The following TTC19 variants were observed in gnomAD, a reference collection of about 807,000 sequenced individuals.
TTC19 encodes the protein tetratricopeptide repeat domain 19, also known as tetratricopeptide repeat protein 19, mitochondrial.
A neutral mutation model predicts 49.5 loss-of-function variants in TTC19; 38 were observed. The ratio of observed to expected loss-of-function variants is 0.77; its 90% confidence interval spans 0.59 to 1.01. The LOEUF (loss-of-function observed/expected upper bound fraction) is 1.01, where lower values mean the gene tolerates loss of function less well. Among genes scored for constraint, TTC19 ranks in the 50% least tolerant of loss-of-function variants. TTC19 has a pLI of 0.00. For synonymous variants in TTC19, 204 were observed against 185.2 expected, an observed-to-expected ratio of 1.10 and a Z score of -0.83; for missense variants, 475 against 477.7, an observed-to-expected ratio of 0.99 and a Z score of 0.05.
At chr17:16,039,385 G>A (rs767001291) in intron 2 of TTC19, 2 of 1,571,124 alleles carry the variant, frequency 1.3e-6, no homozygotes, top group African/African-American at 1.4e-5. Flanking sequence ...AAATAAACTG[G>A]CTTTTTTGGG....
At chr17:16,014,569 G>C (rs1971161352) in intron 7 of TTC19, among the ~76,000 whole-genome samples, 1 of 152,162 alleles carries the variant, frequency 6.6e-6, no homozygotes, top group Non-Finnish European at 1.5e-5. Flanking sequence ...CGGAAATCAT[G>C]ATACAGGTTG....
chr17:16,009,788 T>A (rs1465850242), intron 7 of TTC19, among the ~76,000 whole-genome samples: 1 of 152,202 alleles, frequency 6.6e-6, no homozygotes, highest in Non-Finnish European at 1.5e-5. Context: ...CTAGGATAAT[T>A]ATTTTGTTAC....
rs61755986 is a variant in TTC19, at chr17:16,039,634, G to A, written c.248-4869G>A. ...TTACTGGCAGGATCAGCAAAAGAAT[G>A]GCCTCTAGAGCTAACTGAGCCTGAA... On this transcript the variant is annotated intron_variant, in intron 2 of 2. Coordinates refer to the TTC19 transcript ENST00000470649. 2,965 of 1,613,892 alleles carry A rather than the reference G, an allele frequency of 1.8e-3. 3 individuals carry two copies. The highest frequency in any genetic ancestry group is 2.4e-3 in the Non-Finnish European group (2,783 of 1,179,920).
chr17:16,004,243 A>G lies in TTC19; in HGVS notation c.562A>G (p.Ile188Val). 1 of 1,614,226 alleles carries G rather than the reference A, an allele frequency of 6.2e-7. No homozygotes were observed. The highest frequency in any genetic ancestry group is 8.5e-7 in the Non-Finnish European group (1 of 1,180,020). Reference sequence around the variant, plus strand: ...TGAAATTTCCCTAAAGCTGGCCAGTATCTATGCTGCGCAGAACAGGTAAGT... The same window carrying G: ...TGAAATTTCCCTAAAGCTGGCCAGTGTCTATGCTGCGCAGAACAGGTAAGT... ...IIEISLKLAS[I>V]YAAQNRQEFA... The change falls in exon 6 of 10, where the codon ATC becomes GTC. Residue 188 changes from isoleucine to valine, a missense_variant. Coordinates refer to ENST00000261647, the MANE Select transcript of TTC19 (RefSeq NM_017775.4).
chr17:16,039,614 G>A, intron 2 of TTC19: 1 of 1,614,060 alleles, frequency 6.2e-7, no homozygotes, highest in Non-Finnish European at 8.5e-7. Context: ...CAAGATTACT[G>A]GCAGGATCAG....
intron 2 of TTC19, among the ~76,000 whole-genome samples, chr17:16,038,948 T>C (rs2057012375): frequency 6.6e-6 from 1 of 152,140 alleles, no homozygotes; most frequent in African/African-American, 2.4e-5. Context: ...TTTTTGTATT[T>C]TTAGTAGAGA....
At chr17:16,044,778 A>G (rs536280103) in exon 3 of TTC19, 80 of 1,016,878 alleles carry the variant, frequency 7.9e-5, no homozygotes, top group Middle Eastern at 6.2e-4. Flanking sequence ...GCCCTGGCCA[A>G]TGTCAACATT....
chr17:16,043,290 G>A (rs1488580802), intron 2 of TTC19, among the ~76,000 whole-genome samples: 1 of 152,146 alleles, frequency 6.6e-6, no homozygotes, highest in Non-Finnish European at 1.5e-5. Context: ...GGCTGCTGAT[G>A]GCTTTCATTT....
At chr17:16,024,551 C>T (rs533289901) in intron 7 of TTC19, 22 of 174,264 alleles carry the variant, frequency 1.3e-4, no homozygotes, top group South Asian at 2.4e-4. Flanking sequence ...GTGATCCACC[C>T]GCCTCGGCCT....
intron 2 of TTC19, chr17:16,039,222 T>A (rs2057083778): frequency 1.8e-6 from 1 of 560,932 alleles, no homozygotes; most frequent in African/African-American, 1.9e-5. Context: ...GGTGACACTT[T>A]GGGTAAAAAT....
At chr17:16,017,895 G>A (rs1971262606) in intron 7 of TTC19, among the ~76,000 whole-genome samples, 1 of 152,090 alleles carries the variant, frequency 6.6e-6, no homozygotes, top group African/African-American at 2.4e-5. Context: ...TCTCTGATCT[G>A]TATTTGTATT....
intron 7 of TTC19, among the ~76,000 whole-genome samples, chr17:16,019,614 G>T (rs1971312574): frequency 6.6e-6 from 1 of 152,186 alleles, no homozygotes; most frequent in African/African-American, 2.4e-5. Flanking sequence ...GTTCACAAGT[G>T]TGGATACAAG....
At chr17:16,005,799 G>A (rs954459399) in intron 6 of TTC19, among the ~76,000 whole-genome samples, 12 of 152,148 alleles carry the variant, frequency 7.9e-5, no homozygotes, top group Admixed American at 2.0e-4. Flanking sequence ...ACTGTAGGGC[G>A]GCCTGAACTG....
chr17:16,036,662 CT>C (rs1376680173), intron 2 of TTC19, among the ~76,000 whole-genome samples: 20 of 152,248 alleles, frequency 1.3e-4, no homozygotes, highest in African/African-American at 4.8e-4. Flanking sequence ...TCTTCAACCT[CT>C]GAATGGCCTC....
At chr17:16,004,917 A>G (rs1970854155) in intron 6 of TTC19, among the ~76,000 whole-genome samples, 1 of 152,212 alleles carries the variant, frequency 6.6e-6, no homozygotes, top group Non-Finnish European at 1.5e-5. Context: ...ATTGGACACT[A>G]GATAGGCTAG....
intron 2 of TTC19, among the ~76,000 whole-genome samples, chr17:16,038,085 C>T (rs2056786364): frequency 6.6e-6 from 1 of 151,774 alleles, no homozygotes; most frequent in South Asian, 2.1e-4. Flanking sequence ...TTTTTTAAGA[C>T]CTCTAATCTC....
chr17:16,005,842 G>A (rs73978591), intron 6 of TTC19, among the ~76,000 whole-genome samples: 7,102 of 152,242 alleles, frequency 0.047, 182 homozygotes, highest in African/African-American at 0.08. Context: ...CAGGGGTAAG[G>A]CTTTCACACA....
chr17:16,017,315 G>A (rs1008147690), intron 7 of TTC19, among the ~76,000 whole-genome samples: 2 of 152,054 alleles, frequency 1.3e-5, no homozygotes, highest in African/African-American at 4.8e-5. Context: ...CAGGCATGGT[G>A]ACGGGTGCCT....
At chr17:16,041,480 C>G (rs1259497031) in intron 2 of TTC19, among the ~76,000 whole-genome samples, 2 of 131,426 alleles carry the variant, frequency 1.5e-5, no homozygotes, top group East Asian at 4.3e-4. Context: ...ATGGCGTGAT[C>G]TAGGCTCACT....
Sources: gnomAD v4.1 joint callset for allele counts (sites outside exome capture counted in the v4.1 genomes callset) on GRCh38, gnomAD v4.1.1 for gene constraint, MANE v1.5 for transcripts, NCBI Gene and HGNC (gene_info 2026-07-23, HGNC 2026-07-21) for gene names.